Variants in TCF4 observed in about 807,000 individuals in gnomAD.
TCF4 encodes the protein transcription factor 4, also known as SL3-3 enhancer factor 2.
TCF4 carries 3 observed loss-of-function variants against 82.1 expected under a neutral mutation model. The ratio of observed to expected loss-of-function variants is 0.04; its 90% CI spans 0.02 to 0.09. The LOEUF (loss-of-function observed/expected upper bound fraction) is 0.09. Among genes scored for constraint, TCF4 ranks in the 10% least tolerant of loss-of-function variants. The pLI, the probability that TCF4 is intolerant of heterozygous loss-of-function variation, is 1.00. For synonymous variants in TCF4, 276 were observed against 309.6 expected, an observed-to-expected ratio of 0.89 and a Z score of 1.14; for missense variants, 518 against 852.7, an observed-to-expected ratio of 0.61 and a Z score of 4.89.
intron 6 of TCF4, among the ~76,000 whole-genome samples, chr18:55,396,792 T>A (rs1232868228): frequency 6.6e-6 from 1 of 152,230 alleles, no homozygotes; most frequent in Non-Finnish European, 1.5e-5. Flanking sequence ...AATACTTTAA[T>A]GCTTCCAACA....
chr18:55,429,514 G>C (rs1430481636), intron 5 of TCF4, among the ~76,000 whole-genome samples: 2 of 152,158 alleles, frequency 1.3e-5, no homozygotes, highest in African/African-American at 4.8e-5. Context: ...TGTAATCCCA[G>C]CACTTTGGGA....
chr18:55,525,118 T>A (rs778275883), intron 3 of TCF4, among the ~76,000 whole-genome samples: 2 of 152,096 alleles, frequency 1.3e-5, no homozygotes, highest in African/African-American at 2.4e-5. Flanking sequence ...TAATTTCCTA[T>A]AAAGCTAGCT....
chr18:55,356,060 A>G (rs977165137), intron 6 of TCF4, among the ~76,000 whole-genome samples: 2 of 152,134 alleles, frequency 1.3e-5, no homozygotes, highest in African/African-American at 4.8e-5. Flanking sequence ...TAAGAGCTCT[A>G]TCATAGGGTT....
At chr18:55,437,915 T>C (rs994564701) in intron 5 of TCF4, among the ~76,000 whole-genome samples, 1 of 152,078 alleles carries the variant, frequency 6.6e-6, no homozygotes. Context: ...TAAATATAGG[T>C]TTAGGCCAGG....
At chr18:55,503,856 C>G (rs1052074686) in intron 3 of TCF4, among the ~76,000 whole-genome samples, 1 of 152,162 alleles carries the variant, frequency 6.6e-6, no homozygotes, top group Non-Finnish European at 1.5e-5. Flanking sequence ...GGACGGATCA[C>G]TTGAGGCCAG....
At chr18:55,257,174 T>C (rs2057044198) in intron 14 of TCF4, 141 bp downstream of exon 14, 1 of 824,920 alleles carries the variant, frequency 1.2e-6, no homozygotes, top group Non-Finnish European at 2.0e-6. Flanking sequence ...CTAATGACTC[T>C]GGCTCCCGCA....
chr18:55,270,640 C>T (rs2060158168), intron 10 of TCF4, among the ~76,000 whole-genome samples: 1 of 152,136 alleles, frequency 6.6e-6, no homozygotes, highest in South Asian at 2.1e-4. Context: ...CCTCACATAG[C>T]TGGCAATGAA....
intron 8 of TCF4, among the ~76,000 whole-genome samples, chr18:55,317,945 G>A (rs1356658703): frequency 1.3e-5 from 2 of 151,994 alleles, no homozygotes; most frequent in African/African-American, 2.4e-5. Context: ...TTTACTTTCC[G>A]AGATTTGATG....
intron 8 of TCF4, among the ~76,000 whole-genome samples, chr18:55,335,246 A>G (rs560216883): frequency 6.6e-6 from 1 of 152,354 alleles, no homozygotes; most frequent in Non-Finnish European, 1.5e-5. Flanking sequence ...AATATGTTTC[A>G]GGTCTGACTG....
chr18:55,247,235 A>C (rs1036217036), intron 15 of TCF4, among the ~76,000 whole-genome samples: 1 of 152,158 alleles, frequency 6.6e-6, no homozygotes, highest in Non-Finnish European at 1.5e-5. Flanking sequence ...CCTCCCCTGA[A>C]AATATTGTAT....
intron 3 of TCF4, among the ~76,000 whole-genome samples, chr18:55,525,854 A>C (rs2096977885): frequency 6.6e-6 from 1 of 152,174 alleles, no homozygotes; most frequent in South Asian, 2.1e-4. Context: ...GGCTTACCCC[A>C]GTTTCATGGA....
At chr18:55,320,311 T>C (rs1452432709) in intron 8 of TCF4, among the ~76,000 whole-genome samples, 1 of 152,230 alleles carries the variant, frequency 6.6e-6, no homozygotes, top group Non-Finnish European at 1.5e-5. Flanking sequence ...CACTTAACTA[T>C]TTTAATTACA....
At chr18:55,491,943 T>C (rs544518127) in intron 3 of TCF4, among the ~76,000 whole-genome samples, 1 of 152,224 alleles carries the variant, frequency 6.6e-6, no homozygotes. Context: ...AGGAGCTTTT[T>C]TGAATTTTGG....
intron 8 of TCF4, among the ~76,000 whole-genome samples, chr18:55,342,070 G>A (rs2080100271): frequency 6.6e-6 from 1 of 152,168 alleles, no homozygotes; most frequent in African/African-American, 2.4e-5. Flanking sequence ...AGTATAAACG[G>A]AGAAAGGAAT....
rs184746157 is a variant in TCF4 at position 55,308,415 on chromosome 18, T to C, written c.550-28759A>G. Reference sequence around the variant, plus strand: ...CTTTTGATAAAATACTACTTTTTACTAAAACAGCAAGAGCAGAGGCATGAG... The same window carrying C: ...CTTTTGATAAAATACTACTTTTTACCAAAACAGCAAGAGCAGAGGCATGAG... On this transcript the variant is annotated intron_variant, in intron 8 of 19. Transcript: ENST00000354452. Among the ~76,000 whole-genome samples the C allele has an allele frequency of 1.5e-3, 222 of 152,286 alleles. 1 individual carries two copies. The highest frequency in any genetic ancestry group is 4.8e-3 in the African/African-American group (198 of 41,554).
intron 6 of TCF4, among the ~76,000 whole-genome samples, chr18:55,396,894 G>A (rs1327453433): frequency 1.3e-5 from 2 of 152,206 alleles, no homozygotes; most frequent in Non-Finnish European, 2.9e-5. Context: ...AATGAATGAT[G>A]AAAGAAACTG....
At position 55,588,163 on chromosome 18, in the gene TCF4, C is replaced by A; in HGVS notation, c.-146G>T. Reference sequence around the variant, plus strand: ...TCCCGCGCCTGCTGCCTCCCCGCCGCCGCCGCCGCCGCCGCCACTACAGAT... The same window carrying A: ...TCCCGCGCCTGCTGCCTCCCCGCCGACGCCGCCGCCGCCGCCACTACAGAT... On this transcript the variant is annotated 5_prime_UTR_variant, in exon 1 of 20. Coordinates refer to ENST00000354452, the MANE Select transcript of TCF4 (RefSeq NM_001083962.2). The A allele has an allele frequency of 9.0e-7, 1 of 1,105,624 alleles. No individual in the cohort carries two copies. The highest frequency in any genetic ancestry group is 1.1e-6 in the Non-Finnish European group (1 of 913,894). The allele number at this position is 1,105,624 out of a possible 1,614,324, so 68.5% of individuals were successfully genotyped here.
intron 1 of TCF4, among the ~76,000 whole-genome samples, chr18:55,632,100 A>G (rs1381385018): frequency 6.6e-6 from 1 of 152,080 alleles, no homozygotes; most frequent in Non-Finnish European, 1.5e-5. Context: ...GTGCAGTGGC[A>G]CGATCTCGGC....
intron 15 of TCF4, among the ~76,000 whole-genome samples, chr18:55,253,138 G>C (rs752675517): frequency 1.1e-4 from 17 of 152,024 alleles, no homozygotes; most frequent in Non-Finnish European, 2.4e-4. Context: ...CAGTATTTTT[G>C]GTTTCAAATT....
Sources: allele counts gnomAD v4.1 joint callset (sites outside exome capture counted in the v4.1 genomes callset), GRCh38; gene constraint gnomAD v4.1.1; transcripts MANE v1.5; gene names NCBI Gene and HGNC (gene_info 2026-07-23, HGNC 2026-07-21).